RNF212B: variants seen among roughly 807,000 people sequenced by gnomAD.
The protein encoded by RNF212B is ring finger protein 212B.
Under a neutral mutation model 55.5 loss-of-function variants are expected in RNF212B, and 52 were observed. The ratio of observed to expected loss-of-function variants is 0.94; its 90% CI spans 0.75 to 1.18. The LOEUF (loss-of-function observed/expected upper bound fraction) is 1.18. Among genes scored for constraint, RNF212B ranks in the 50% most tolerant of loss-of-function variants. The pLI is 0.00. For missense variants in RNF212B, 289 were observed against 350.4 expected, an observed-to-expected ratio of 0.82 and a Z score of 1.40; for synonymous variants, 99 against 121.4, an observed-to-expected ratio of 0.82 and a Z score of 1.21.
chr14:23,249,155 C>A (rs918559602), intron 4 of RNF212B, among the ~76,000 whole-genome samples: 2 of 152,162 alleles, frequency 1.3e-5, no homozygotes, highest in African/African-American at 4.8e-5. Context: ...CTAATATATA[C>A]ATACATAATT....
intron 2 of RNF212B, among the ~76,000 whole-genome samples, chr14:23,208,903 T>C (rs71413971): frequency 0.24 from 36,143 of 149,328 alleles, 5,484 homozygotes; most frequent in African/African-American, 0.42. Context: ...GGACTACAGG[T>C]GCCCGCCACT....
intron 2 of RNF212B, among the ~76,000 whole-genome samples, chr14:23,209,234 C>T (rs1880237801): frequency 6.6e-6 from 1 of 152,132 alleles, no homozygotes; most frequent in Non-Finnish European, 1.5e-5. Flanking sequence ...ACTCTCGTAG[C>T]CATTTTGGTT....
At chr14:23,258,483 T>A (rs1885024678) in intron 4 of RNF212B, 66 bp from the exon 5 acceptor site, 1 of 712,326 alleles carries the variant, frequency 1.4e-6, no homozygotes. Flanking sequence ...GGCTTCCCTT[T>A]CTTGCCAGAA....
chr14:23,225,201 T>G lies in RNF212B; in HGVS notation c.-1-15144T>G, dbSNP rs1175558427. 2.0e-5 allele frequency among the ~76,000 whole-genome samples: 3 copies of G among 152,096 alleles called. No homozygotes were observed. The East Asian group carries it at 5.8e-4, about 29-fold the overall frequency. On this transcript the variant is annotated intron_variant, in intron 2 of 15. Coordinates refer to the RNF212B transcript ENST00000399910. ...GAGAAGAGAGAGCCCTTGTACACTGTTGGTGGGAATGTAAATTAGTACAGC... is the reference window on the plus strand; with the variant it reads ...GAGAAGAGAGAGCCCTTGTACACTGGTGGTGGGAATGTAAATTAGTACAGC...
chr14:23,204,758 A>G (rs1295669964), intron 2 of RNF212B, among the ~76,000 whole-genome samples: 3 of 152,156 alleles, frequency 2.0e-5, no homozygotes, highest in Non-Finnish European at 4.4e-5. Flanking sequence ...AATTCTATGA[A>G]GAATGATGGT....
chr14:23,216,201 G>C (rs538442234), intron 2 of RNF212B, among the ~76,000 whole-genome samples: 1 of 152,080 alleles, frequency 6.6e-6, no homozygotes, highest in Non-Finnish European at 1.5e-5. Context: ...AGTCAAGATC[G>C]TGCCACTGCA....
chr14:23,264,140 T>C (rs1314425151), intron 9 of RNF212B, 34 bp from the exon 10 acceptor site: 19 of 1,488,288 alleles, frequency 1.3e-5, no homozygotes, highest in Non-Finnish European at 1.6e-5. Context: ...CTAGGTTTTT[T>C]GCCTTTTTTT....
At chr14:23,207,461 C>T (rs1374229803) in intron 2 of RNF212B, among the ~76,000 whole-genome samples, 5 of 152,102 alleles carry the variant, frequency 3.3e-5, no homozygotes, top group African/African-American at 9.7e-5. Flanking sequence ...AGTAAAACTA[C>T]AAAAAACAAA....
chr14:23,220,234 A>AAAAACC (rs1881445280), intron 2 of RNF212B, among the ~76,000 whole-genome samples: 1 of 134,292 alleles, frequency 7.4e-6, no homozygotes, highest in Admixed American at 7.4e-5. Context: ...AAACAAAAAC[A>AAAAACC]AAAACCATAC....
At chr14:23,188,988 G>A (rs887361683) in intron 1 of RNF212B, among the ~76,000 whole-genome samples, 1 of 152,150 alleles carries the variant, frequency 6.6e-6, no homozygotes, top group African/African-American at 2.4e-5. Flanking sequence ...GCAAGATGTA[G>A]CTGTTGGTGC....
chr14:23,187,780 A>G (rs1877737072), intron 1 of RNF212B, among the ~76,000 whole-genome samples: 1 of 152,190 alleles, frequency 6.6e-6, no homozygotes, highest in African/African-American at 2.4e-5. Flanking sequence ...TTAAAGCAGA[A>G]GGAAACCCTG....
intron 11 of RNF212B, among the ~76,000 whole-genome samples, chr14:23,265,107 C>T (rs1388900193): frequency 1.3e-5 from 2 of 152,188 alleles, no homozygotes; most frequent in Non-Finnish European, 2.9e-5. Context: ...AGGCGTGAGC[C>T]ACTGTGCCCG....
chr14:23,186,080 G>A (rs1332909678), intron 1 of RNF212B, among the ~76,000 whole-genome samples: 1 of 152,018 alleles, frequency 6.6e-6, no homozygotes, highest in Non-Finnish European at 1.5e-5. Context: ...AGCCTGGGTG[G>A]CAAAGTGAGA....
chr14:23,191,281 C>G (rs1181065792), intron 1 of RNF212B, among the ~76,000 whole-genome samples: 1 of 149,760 alleles, frequency 6.7e-6, no homozygotes, highest in Non-Finnish European at 1.5e-5. Flanking sequence ...CACTTGAACC[C>G]TGGAGGCGGA....
At chr14:23,217,261 G>T (rs201058706) in intron 2 of RNF212B, among the ~76,000 whole-genome samples, 1 of 145,506 alleles carries the variant, frequency 6.9e-6, no homozygotes, top group East Asian at 2.1e-4. Context: ...GTGGTGGGGG[G>T]GGGGCTCCTC....
chr14:23,223,331 A>G (rs886699969), intron 2 of RNF212B, among the ~76,000 whole-genome samples: 2 of 151,934 alleles, frequency 1.3e-5, no homozygotes, highest in Non-Finnish European at 2.9e-5. Flanking sequence ...AGCTAATATT[A>G]CACTGAATGG....
chr14:23,265,557 C>G (rs1012292501), intron 11 of RNF212B, among the ~76,000 whole-genome samples: 3 of 152,090 alleles, frequency 2.0e-5, no homozygotes, highest in Non-Finnish European at 4.4e-5. Flanking sequence ...AAATAGTCTC[C>G]CTCTAAATCT....
At chr14:23,212,542 C>A (rs1880625479) in intron 2 of RNF212B, among the ~76,000 whole-genome samples, 1 of 151,832 alleles carries the variant, frequency 6.6e-6, no homozygotes, top group South Asian at 2.1e-4. Context: ...GAAATTTAAA[C>A]TTTATTTTTT....
intron 2 of RNF212B, among the ~76,000 whole-genome samples, chr14:23,196,366 C>T (rs148321171): frequency 1.3e-5 from 2 of 152,166 alleles, no homozygotes; most frequent in Non-Finnish European, 2.9e-5. Flanking sequence ...CACTCTGCGT[C>T]ACCACTGCTC....
Sources: gnomAD v4.1 joint callset for allele counts (sites outside exome capture counted in the v4.1 genomes callset) on GRCh38, gnomAD v4.1.1 for gene constraint, MANE v1.5 for transcripts, NCBI Gene and HGNC (gene_info 2026-07-23, HGNC 2026-07-21) for gene names.